Variants in RAB3B observed in about 807,000 individuals in gnomAD.
RAB3B encodes ras-related protein Rab-3B.
Under a neutral mutation model 20.5 loss-of-function variants are expected in RAB3B, and 11 were observed. The observed-to-expected ratio is 0.54, with a 90% CI of 0.34 to 0.89. The LOEUF (loss-of-function observed/expected upper bound fraction) is 0.89, where lower values mean the gene tolerates loss of function less well. Ranked by LOEUF, RAB3B falls within the 40% of genes least tolerant of loss-of-function variation. The probability of loss-of-function intolerance (pLI) is 0.02; values close to 1 mark genes in which losing one functional copy is unlikely to be tolerated. For missense variants in RAB3B, 225 were observed against 280.9 expected, an observed-to-expected ratio of 0.80 and a Z score of 1.42; for synonymous variants, 99 against 106.3, an observed-to-expected ratio of 0.93 and a Z score of 0.42.
At chr1:51,977,219 C>T in intron 1 of RAB3B, 102 bp from the exon 2 acceptor site, 1 of 812,790 alleles carries the variant, frequency 1.2e-6, no homozygotes, top group Non-Finnish European at 2.0e-6. Flanking sequence ...TCACTCCTTA[C>T]TCCAGCACCA....
intron 1 of RAB3B, among the ~76,000 whole-genome samples, chr1:51,987,012 G>A (rs1685160980): frequency 6.6e-6 from 1 of 152,180 alleles, no homozygotes; most frequent in Non-Finnish European, 1.5e-5. Context: ...AGCTATCTCC[G>A]TGACAAGCAA....
intron 2 of RAB3B, among the ~76,000 whole-genome samples, chr1:51,938,677 A>ATT (rs577123717): frequency 0.048 from 6,940 of 143,464 alleles, 250 homozygotes; most frequent in Middle Eastern, 0.13. Context: ...TCTTCATGTA[A>ATT]TTTTTTTTTT....
chr1:51,934,363 C>T (rs576831238), intron 3 of RAB3B, among the ~76,000 whole-genome samples: 1 of 152,238 alleles, frequency 6.6e-6, no homozygotes, highest in South Asian at 2.1e-4. Context: ...ACTTAGCCTC[C>T]ACCTCCTCCT....
rs1297356788 is a variant in RAB3B, at chr1:51,920,013, C to T, written c.574G>A (p.Asp192Asn). ...AICDKMSDSL[D>N]TDPSMLGSSK... Reference sequence around the variant, plus strand: ...GAGCCCAGCATCGACGGGTCTGTGTCCAGCGAATCAGACATCTTGTCACAA... The same window carrying T: ...GAGCCCAGCATCGACGGGTCTGTGTTCAGCGAATCAGACATCTTGTCACAA... The change falls in exon 5 of 5, where the codon GAC becomes AAC. Residue 192 changes from aspartate (D) to asparagine (N), a missense_variant. Coordinates refer to ENST00000371655, the MANE Select transcript of RAB3B (RefSeq NM_002867.4). The T allele has an allele frequency of 1.2e-6, 2 of 1,614,028 alleles. No homozygotes were observed. Among genetic ancestry groups the T allele is most frequent in the African/African-American group, 2.7e-5 (2 of 74,910 alleles).
intron 1 of RAB3B, chr1:51,980,571 C>T (rs1041974338): frequency 1.2e-5 from 9 of 765,080 alleles, no homozygotes; most frequent in Non-Finnish European, 2.1e-5. Flanking sequence ...TGCCCAAGGA[C>T]AAGGCCATTA....
intron 4 of RAB3B, among the ~76,000 whole-genome samples, chr1:51,921,436 T>G (rs561402542): frequency 6.6e-6 from 1 of 152,216 alleles, no homozygotes; most frequent in Non-Finnish European, 1.5e-5. Context: ...TAGCGGAAAC[T>G]GGATTTAGAC....
intron 2 of RAB3B, among the ~76,000 whole-genome samples, chr1:51,953,839 TATAC>T (rs1453050263): frequency 6.6e-6 from 1 of 152,196 alleles, no homozygotes; most frequent in Non-Finnish European, 1.5e-5. Context: ...GGTTAATAAA[TATAC>T]AGATGATTTA....
intron 2 of RAB3B, among the ~76,000 whole-genome samples, chr1:51,965,768 A>G (rs1336758393): frequency 2.0e-5 from 3 of 152,196 alleles, no homozygotes; most frequent in Non-Finnish European, 4.4e-5. Context: ...TTTGTGGAAA[A>G]AAAACTAGTG....
chr1:51,957,061 T>G (rs1684716824), intron 2 of RAB3B, among the ~76,000 whole-genome samples: 1 of 151,932 alleles, frequency 6.6e-6, no homozygotes, highest in African/African-American at 2.4e-5. Flanking sequence ...AAAGTCTATA[T>G]AAACTCTTTT....
rs879782844 is a variant in RAB3B at position 51,912,869 on chromosome 1, C to T, written c.*7058G>A. 5.9e-5 allele frequency: 9 copies of T among 151,966 alleles called. No individual in the cohort carries two copies. The highest frequency in any genetic ancestry group is 9.7e-5 in the African/African-American group (4 of 41,370). 9.4% of individuals were successfully genotyped at this position (151,966 alleles called of 1,614,324 possible). On this transcript the variant is annotated 3_prime_UTR_variant, in exon 5 of 5. Coordinates refer to ENST00000371655, the MANE Select transcript of RAB3B (RefSeq NM_002867.4). ...TGAGTTTTCTGTGAAGACTGGGGTT[C>T]AAACAAGTTTGGGGGCAGAATCAAG...
chr1:51,977,904 A>G (rs1358716792), intron 1 of RAB3B, among the ~76,000 whole-genome samples: 1 of 152,244 alleles, frequency 6.6e-6, no homozygotes, highest in Admixed American at 6.5e-5. Flanking sequence ...CTAACCAAAG[A>G]GGCAATTCTC....
At position 51,919,852 on chromosome 1, in the gene RAB3B, C is replaced by A; in HGVS notation, c.*75G>T. 7.1e-7 allele frequency: 1 copy of A among 1,403,096 alleles called. No homozygotes were observed. The highest frequency in any genetic ancestry group is 9.7e-7 in the Non-Finnish European group (1 of 1,028,134). 86.9% of individuals were successfully genotyped at this position (1,403,096 alleles called of 1,614,324 possible). ...TGTAACAGGGAGAGTGGGCTGAGAG[C>A]GGACAGTGTGTAACAGGGAGAAGCA... On this transcript the variant is annotated 3_prime_UTR_variant, in exon 5 of 5. Transcript: ENST00000371655.
chr1:51,952,240 C>T (rs546394632), intron 2 of RAB3B, among the ~76,000 whole-genome samples: 2 of 152,134 alleles, frequency 1.3e-5, no homozygotes, highest in East Asian at 3.9e-4. Context: ...GTGTACATAC[C>T]CATTTCACAG....
At chr1:51,971,438 T>TC (rs1185283694) in intron 2 of RAB3B, among the ~76,000 whole-genome samples, 2 of 146,906 alleles carry the variant, frequency 1.4e-5, no homozygotes, top group East Asian at 3.9e-4. Context: ...TTTCTTTTCT[T>TC]TTTTTTTTTT....
chr1:51,980,714 G>C, intron 1 of RAB3B: 1 of 756,178 alleles, frequency 1.3e-6, no homozygotes, highest in African/African-American at 1.7e-5. Flanking sequence ...GCAATTCACA[G>C]CAAAGTAGTC....
Position 51,911,248 on chromosome 1 carries a change from T to G in RAB3B, c.*8679A>C, listed in dbSNP as rs1281921356. 8 of 152,186 alleles carry G rather than the reference T, an allele frequency of 5.3e-5. No individual in the cohort carries two copies. Among genetic ancestry groups the G allele is most frequent in the Admixed American group, 5.2e-4 (8 of 15,262 alleles). The allele number at this position is 152,186 out of a possible 1,614,324, so 9.4% of individuals were successfully genotyped here. ...GTCCATGGAGAACTGCTTCTCACCT[T>G]GAGAAATCCCTCTTCTTCGTTCCTT... On this transcript the variant is annotated 3_prime_UTR_variant, in exon 5 of 5. Coordinates refer to ENST00000371655, the MANE Select transcript of RAB3B (RefSeq NM_002867.4).
At chr1:51,937,799 A>T (rs1317697322) in intron 2 of RAB3B, among the ~76,000 whole-genome samples, 1 of 152,024 alleles carries the variant, frequency 6.6e-6, no homozygotes, top group Non-Finnish European at 1.5e-5. Context: ...GCCCAACCCA[A>T]GGCATATTTA....
chr1:51,919,853 G>T lies in RAB3B; in HGVS notation c.*74C>A. 2 of 1,413,482 alleles carry T rather than the reference G, an allele frequency of 1.4e-6. No homozygotes were observed. Among genetic ancestry groups the T allele is most frequent in the Non-Finnish European group, 1.9e-6 (2 of 1,035,094 alleles). The allele number at this position is 1,413,482 out of a possible 1,614,324, so 87.6% of individuals were successfully genotyped here. A position where few individuals can be genotyped will look rare whatever the true frequency, so the allele number is the denominator to read the frequency against. ...GTAACAGGGAGAGTGGGCTGAGAGC[G>T]GACAGTGTGTAACAGGGAGAAGCAG... On this transcript the variant is annotated 3_prime_UTR_variant, in exon 5 of 5. Coordinates refer to ENST00000371655, the MANE Select transcript of RAB3B (RefSeq NM_002867.4).
rs1491223921 is a variant in RAB3B, at chr1:51,912,554, A to AAATAT, written c.*7372_*7373insATATT. ...AGACCGTCTCTATTAAAAAAAAAAA[A>AAATAT]ATATATATATATATATATATATATA... is the stretch of plus-strand genomic sequence containing the variant. On this transcript the variant is annotated 3_prime_UTR_variant, in exon 5 of 5. Transcript: ENST00000371655. 7.7e-4 allele frequency: 12 copies of AAATAT among 15,500 alleles called. No individual in the cohort carries two copies. Among genetic ancestry groups the AAATAT allele is most frequent in the Non-Finnish European group, 1.0e-3 (7 of 6,828 alleles). 1.0% of individuals were successfully genotyped at this position (15,500 alleles called of 1,614,324 possible). A position where few individuals can be genotyped will look rare whatever the true frequency, so the allele number is the denominator to read the frequency against.
Sources: gnomAD v4.1 joint callset for allele counts (sites outside exome capture counted in the v4.1 genomes callset) on GRCh38, gnomAD v4.1.1 for gene constraint, MANE v1.5 for transcripts, NCBI Gene and HGNC (gene_info 2026-07-23, HGNC 2026-07-21) for gene names.